Variants in AVEN observed in about 807,000 individuals in gnomAD.
The protein encoded by AVEN is cell death regulator Aven.
AVEN carries 41 observed loss-of-function variants against 38.1 expected under a neutral mutation model. The ratio of observed to expected loss-of-function variants is 1.08; its 90% CI spans 0.84 to 1.40. The LOEUF is 1.40. Ranked by LOEUF, AVEN falls within the 40% of genes most tolerant of loss-of-function variation. AVEN has a pLI of 0.00. For synonymous variants in AVEN, 206 were observed against 171.8 expected (o/e 1.20, Z -1.56); for missense variants, 605 against 438.8 (o/e 1.38, Z -3.38).
At chr15:33,880,294 AG>A (rs143431594) in intron 2 of AVEN, among the ~76,000 whole-genome samples, 2,402 of 152,298 alleles carry the variant, frequency 0.016, 31 homozygotes, top group South Asian at 0.041. Context: ...CAAGGAGGTC[AG>A]GGTAACATTT....
At chr15:34,067,787 A>G (rs1900547280) in intron 2 of AVEN, among the ~76,000 whole-genome samples, 1 of 152,142 alleles carries the variant, frequency 6.6e-6, no homozygotes, top group African/African-American at 2.4e-5. Context: ...GGGCAGCAGC[A>G]TTTCCTTGTC....
intron 2 of AVEN, among the ~76,000 whole-genome samples, chr15:33,983,146 G>GTGTA (rs1555512728): frequency 2.6e-5 from 3 of 115,256 alleles, no homozygotes; most frequent in African/African-American, 1.4e-4. Context: ...GTGTGTGTGT[G>GTGTA]TGTGTGTGTG....
rs56286203 is a variant in AVEN at position 34,046,343 on chromosome 15, G to GAAAA, written n.1637+16575_1637+16578dup. On this transcript the variant is annotated intron_variant and non_coding_transcript_variant, in intron 5 of 11. Coordinates refer to the AVEN transcript ENST00000675287. ...GTTATTCTCCCAAAAAGTGAGGCAG[G>GAAAA]AAAAAAAAAAAAAACGGGAAAAAGA... Among the ~76,000 whole-genome samples the GAAAA allele has an allele frequency of 6.2e-4, 87 of 141,430 alleles. 1 individual carries two copies. The highest frequency in any genetic ancestry group is 7.1e-4 in the Admixed American group (10 of 14,154). The allele number at this position is 141,430 out of a possible 152,430, so 92.8% of individuals were successfully genotyped here.
At position 33,891,573 on chromosome 15, in the gene AVEN, G is replaced by A. The variant is rs1891969878; in HGVS notation, c.446-15578C>T. ...AAGAACATGAACTCATCCTTTTTAT[G>A]GCTGCATAGTATTCCATGGTGTATA... On this transcript the variant is annotated intron_variant, in intron 2 of 5. Transcript: ENST00000306730. Among the ~76,000 whole-genome samples the A allele has an allele frequency of 3.9e-5, 6 of 152,234 alleles. No individual in the cohort carries two copies. The South Asian group carries it at 1.2e-3, about 32-fold the overall frequency.
At chr15:33,874,932 G>C (rs1282086897) in intron 3 of AVEN, among the ~76,000 whole-genome samples, 1 of 152,210 alleles carries the variant, frequency 6.6e-6, no homozygotes, top group Non-Finnish European at 1.5e-5. Flanking sequence ...ATACTAAACA[G>C]TACCTCAGGC....
chr15:33,875,756 ACCTGTGGAATTTCAGCCC>A, intron 3 of AVEN, among the ~76,000 whole-genome samples, 151 bp downstream of exon 3: 1 of 152,256 alleles, frequency 6.6e-6, no homozygotes, highest in South Asian at 2.1e-4. Flanking sequence ...AGCTTCAAGG[ACCTGTGGAATTTCAGCCC>A]CCTGAAAATT....
At chr15:33,951,949 A>T (rs1030780690) in intron 2 of AVEN, among the ~76,000 whole-genome samples, 11 of 152,186 alleles carry the variant, frequency 7.2e-5, no homozygotes, top group Non-Finnish European at 1.6e-4. Context: ...ACCAAGGCCA[A>T]ACATTAATTT....
chr15:33,948,472 CATAAAA>C (rs1894593097), intron 2 of AVEN, among the ~76,000 whole-genome samples: 1 of 152,056 alleles, frequency 6.6e-6, no homozygotes, highest in African/African-American at 2.4e-5. Flanking sequence ...TGCAAGGAAG[CATAAAA>C]ATAAAGTAAC....
At chr15:33,864,024 C>T (rs1476458921), downstream of AVEN, 1 of 677,202 alleles carries the variant, frequency 1.5e-6, no homozygotes, top group South Asian at 1.9e-5. Context: ...TCATTTAAGT[C>T]ACTGTAGATA....
intron 2 of AVEN, among the ~76,000 whole-genome samples, chr15:33,940,993 C>T (rs1461659067): frequency 1.3e-5 from 2 of 152,280 alleles, no homozygotes; most frequent in East Asian, 3.9e-4. Context: ...CTACAAGATG[C>T]TCGAAGAAAA....
At chr15:33,923,136 TAA>T (rs1893465967) in intron 2 of AVEN, among the ~76,000 whole-genome samples, 1 of 83,842 alleles carries the variant, frequency 1.2e-5, no homozygotes, top group Non-Finnish European at 3.0e-5. Flanking sequence ...TAGGATAAGC[TAA>T]GAGAGAGAGA....
Position 33,882,100 on chromosome 15 carries a change from G to A in AVEN, c.446-6105C>T, listed in dbSNP as rs540046296. On this transcript the variant is annotated intron_variant, in intron 2 of 5. Transcript: ENST00000306730. ...AGTAAAGACAACTGTCTGACTTACAGAATATTGTAGAACGGCCTTGTTGTG... is the reference window on the plus strand; with the variant it reads ...AGTAAAGACAACTGTCTGACTTACAAAATATTGTAGAACGGCCTTGTTGTG... 2.0e-5 allele frequency among the ~76,000 whole-genome samples: 3 copies of A among 152,242 alleles called. No homozygotes were observed. The East Asian group carries it at 5.8e-4, about 29-fold the overall frequency.
chr15:34,005,056 A>G (rs956107145), intron 1 of AVEN, among the ~76,000 whole-genome samples: 5 of 152,136 alleles, frequency 3.3e-5, no homozygotes, highest in African/African-American at 1.2e-4. Flanking sequence ...CAAAACTAAA[A>G]TATATAAAAA....
intron 2 of AVEN, among the ~76,000 whole-genome samples, chr15:33,929,234 T>C (rs1227721376): frequency 6.6e-6 from 1 of 152,224 alleles, no homozygotes; most frequent in Admixed American, 6.5e-5. Flanking sequence ...TGAGGCATTC[T>C]GCTTCCCACA....
intron 11 of AVEN, among the ~76,000 whole-genome samples, chr15:33,860,825 G>C (rs1391534370): frequency 6.6e-6 from 1 of 150,918 alleles, no homozygotes; most frequent in Non-Finnish European, 1.5e-5. Flanking sequence ...CTGCCAGGCC[G>C]GCCACTCTGC....
chr15:33,895,467 A>G (rs1316946277), intron 2 of AVEN, among the ~76,000 whole-genome samples: 1 of 152,020 alleles, frequency 6.6e-6, no homozygotes, highest in African/African-American at 2.4e-5. Context: ...CTGGGACTAC[A>G]GGTATTCACC....
intron 4 of AVEN, among the ~76,000 whole-genome samples, chr15:33,869,825 CTTTT>C (rs377321444): frequency 3.5e-5 from 5 of 142,196 alleles, no homozygotes; most frequent in Admixed American, 7.0e-5. Flanking sequence ...CAAGGTTTCA[CTTTT>C]TTTTTTTTTT....
chr15:34,044,525 C>T (rs1597384453), intron 5 of AVEN, among the ~76,000 whole-genome samples: 1 of 152,210 alleles, frequency 6.6e-6, no homozygotes, highest in Non-Finnish European at 1.5e-5. Flanking sequence ...CAGATTCTCA[C>T]ATAACTTTGT....
At chr15:33,912,972 C>T (rs1258399407) in intron 2 of AVEN, among the ~76,000 whole-genome samples, 2 of 151,856 alleles carry the variant, frequency 1.3e-5, no homozygotes, top group Non-Finnish European at 2.9e-5. Context: ...TCACCACAAC[C>T]TCCGCCTCCT....
Sources: allele counts gnomAD v4.1 joint callset (sites outside exome capture counted in the v4.1 genomes callset), GRCh38; gene constraint gnomAD v4.1.1; transcripts MANE v1.5; gene names NCBI Gene and HGNC (gene_info 2026-07-23, HGNC 2026-07-21).